GALNT10: variants seen among roughly 807,000 people sequenced by gnomAD.
GALNT10 encodes the protein GalNAc transferase 10.
In GALNT10, 41 loss-of-function variants were observed where a neutral mutation model predicts 75.0. The ratio of observed to expected loss-of-function variants is 0.55; its 90% CI spans 0.43 to 0.71. GALNT10 has a LOEUF of 0.71. Ranked by LOEUF, GALNT10 falls within the 30% of genes least tolerant of loss-of-function variation. The pLI is 0.00. For missense variants in GALNT10, 727 were observed against 818.5 expected, an observed-to-expected ratio of 0.89 and a Z score of 1.36; for synonymous variants, 302 against 313.0, an observed-to-expected ratio of 0.96 and a Z score of 0.37.
At chr5:154,312,002 C>CA (rs2113096524) in intron 3 of GALNT10, among the ~76,000 whole-genome samples, 1 of 152,296 alleles carries the variant, frequency 6.6e-6, no homozygotes, top group Non-Finnish European at 1.5e-5. Flanking sequence ...ATCCAGCAAA[C>CA]ACAACCAGCC....
intron 1 of GALNT10, among the ~76,000 whole-genome samples, chr5:154,222,352 T>C (rs1752994986): frequency 6.6e-6 from 1 of 152,156 alleles, no homozygotes; most frequent in Admixed American, 6.5e-5. Context: ...GACTAATTCA[T>C]TTATTCATTT....
At chr5:154,395,614 C>A (rs2113200850) in intron 7 of GALNT10, among the ~76,000 whole-genome samples, 1 of 152,188 alleles carries the variant, frequency 6.6e-6, no homozygotes, top group East Asian at 1.9e-4. Context: ...AAGGCCTTGG[C>A]TCTAGGCCCT....
intron 4 of GALNT10, among the ~76,000 whole-genome samples, chr5:154,344,639 C>T (rs1392322706): frequency 6.6e-6 from 1 of 152,144 alleles, no homozygotes; most frequent in East Asian, 1.9e-4. Flanking sequence ...GGCGAGCCCT[C>T]CACATGCAAA....
chr5:154,382,401 A>G (rs1755747023), intron 6 of GALNT10, among the ~76,000 whole-genome samples: 1 of 152,254 alleles, frequency 6.6e-6, no homozygotes, highest in Non-Finnish European at 1.5e-5. Flanking sequence ...TGATTTAGCC[A>G]TGATCACATT....
chr5:154,302,930 A>G (rs1229223975), intron 3 of GALNT10, among the ~76,000 whole-genome samples: 1 of 152,146 alleles, frequency 6.6e-6, no homozygotes, highest in Non-Finnish European at 1.5e-5. Context: ...ATCACCTATT[A>G]CCTTTGACAA....
In GALNT10 at chr5:154,366,931, C is replaced by T. The variant is rs112149776; in HGVS notation, c.569-9346C>T. On this transcript the variant is annotated intron_variant, in intron 4 of 11. Coordinates refer to ENST00000297107, the MANE Select transcript of GALNT10 (RefSeq NM_198321.4). ...TGGGTCAGGGGCCGTGGCAGAGGAC[C>T]ACCTGTCTCAGGATCAAGTGGGCCA... 2.0e-4 allele frequency among the ~76,000 whole-genome samples: 31 copies of T among 152,266 alleles called. 1 individual carries two copies. Among genetic ancestry groups the T allele is most frequent in the Admixed American group, 1.6e-3 (25 of 15,300 alleles).
At chr5:154,348,329 C>G (rs1449584647) in intron 4 of GALNT10, among the ~76,000 whole-genome samples, 1 of 152,178 alleles carries the variant, frequency 6.6e-6, no homozygotes, top group Non-Finnish European at 1.5e-5. Context: ...ATATTAATTA[C>G]CCCAATTAGA....
intron 1 of GALNT10, among the ~76,000 whole-genome samples, chr5:154,203,151 T>C (rs1326901360): frequency 6.6e-6 from 1 of 152,230 alleles, no homozygotes; most frequent in Non-Finnish European, 1.5e-5. Context: ...CTGTGACTTG[T>C]ATGGACTCTC....
intron 4 of GALNT10, among the ~76,000 whole-genome samples, chr5:154,360,116 A>G (rs918139325): frequency 5.9e-5 from 9 of 152,124 alleles, no homozygotes; most frequent in African/African-American, 2.2e-4. Context: ...GAAATAAGCA[A>G]TGCCATATCT....
chr5:154,378,150 C>T lies in GALNT10; in HGVS notation c.754+1688C>T, dbSNP rs575363652. Among the ~76,000 whole-genome samples the T allele has an allele frequency of 1.3e-3, 195 of 152,184 alleles. 1 individual carries two copies. Among genetic ancestry groups the T allele is most frequent in the Middle Eastern group, 6.8e-3 (2 of 294 alleles). On this transcript the variant is annotated intron_variant, in intron 5 of 11. Coordinates refer to ENST00000297107, the MANE Select transcript of GALNT10 (RefSeq NM_198321.4). The stretch of plus-strand genomic sequence containing the variant: ...AGTGATGTAGATTTAAAAGTCTGTC[C>T]CTGCTAATGTCAGCAGCTGACAGAG...
At chr5:154,235,634 C>T (rs1753233923) in intron 1 of GALNT10, among the ~76,000 whole-genome samples, 1 of 152,174 alleles carries the variant, frequency 6.6e-6, no homozygotes, top group Non-Finnish European at 1.5e-5. Flanking sequence ...GTACCAGTAA[C>T]TCTTAATGTT....
At chr5:154,245,806 C>G (rs1036169524) in intron 1 of GALNT10, among the ~76,000 whole-genome samples, 1 of 91,834 alleles carries the variant, frequency 1.1e-5, no homozygotes, top group African/African-American at 3.4e-5. Context: ...ATATCTTAAG[C>G]GCTTTTTTTT....
chr5:154,369,124 A>G (rs1755523371), intron 4 of GALNT10, among the ~76,000 whole-genome samples: 1 of 152,238 alleles, frequency 6.6e-6, no homozygotes, highest in Non-Finnish European at 1.5e-5. Flanking sequence ...ACAGTGGCTC[A>G]TGCCTGTAAT....
At chr5:154,207,582 C>T (rs948624375) in intron 1 of GALNT10, among the ~76,000 whole-genome samples, 6 of 152,116 alleles carry the variant, frequency 3.9e-5, no homozygotes, top group African/African-American at 1.2e-4. Flanking sequence ...TGGACCCGGA[C>T]GGGCAGGGCG....
At chr5:154,380,984 C>T (rs1170253836) in intron 6 of GALNT10, among the ~76,000 whole-genome samples, 1 of 152,172 alleles carries the variant, frequency 6.6e-6, no homozygotes, top group Non-Finnish European at 1.5e-5. Context: ...GCACATTACC[C>T]TCTGATCCAA....
intron 7 of GALNT10, among the ~76,000 whole-genome samples, chr5:154,399,968 C>A (rs1368245968): frequency 6.6e-6 from 1 of 151,926 alleles, no homozygotes; most frequent in Admixed American, 6.6e-5. Context: ...CACAGGGAGA[C>A]CCCCATGTCT....
intron 4 of GALNT10, among the ~76,000 whole-genome samples, chr5:154,330,245 C>T (rs963312969): frequency 6.6e-6 from 1 of 152,202 alleles, no homozygotes; most frequent in African/African-American, 2.4e-5. Flanking sequence ...AAGGTTTTGC[C>T]TTCTAATTCA....
At chr5:154,288,784 C>T (rs1032893053) in intron 1 of GALNT10, among the ~76,000 whole-genome samples, 3 of 152,190 alleles carry the variant, frequency 2.0e-5, no homozygotes, top group East Asian at 1.9e-4. Flanking sequence ...AAAATCCAGA[C>T]GTGATCTTTT....
intron 4 of GALNT10, among the ~76,000 whole-genome samples, chr5:154,369,579 T>G (rs1391295037): frequency 6.6e-6 from 1 of 152,186 alleles, no homozygotes; most frequent in Non-Finnish European, 1.5e-5. Context: ...TGATGCTGTT[T>G]ACTAACGTGT....
Sources: gnomAD v4.1 joint callset for allele counts (sites outside exome capture counted in the v4.1 genomes callset) on GRCh38, gnomAD v4.1.1 for gene constraint, MANE v1.5 for transcripts, NCBI Gene and HGNC (gene_info 2026-07-23, HGNC 2026-07-21) for gene names.